The following TMEM182 variants were observed in gnomAD, a reference collection of about 807,000 sequenced individuals.
TMEM182 encodes transmembrane protein 182.
Under a neutral mutation model 26.8 loss-of-function variants are expected in TMEM182, and 20 were observed. That is an observed-to-expected ratio of 0.75 (90% CI 0.53 to 1.09). TMEM182 has a LOEUF of 1.09. Among genes scored for constraint, TMEM182 ranks in the 50% least tolerant of loss-of-function variants. The probability of loss-of-function intolerance (pLI) is 0.00; values close to 1 mark genes in which losing one functional copy is unlikely to be tolerated. For missense variants in TMEM182, 277 were observed against 275.5 expected, an observed-to-expected ratio of 1.01 and a Z score of -0.04; for synonymous variants, 109 against 102.2, an observed-to-expected ratio of 1.07 and a Z score of -0.40.
At chr2:102,740,441 A>C (rs373726059) in intron 1 of TMEM182, among the ~76,000 whole-genome samples, 5 of 152,236 alleles carry the variant, frequency 3.3e-5, no homozygotes, top group South Asian at 4.2e-4. Context: ...GTAAAGAAGG[A>C]CATGTTTGCT....
chr2:102,830,142 G>T (rs973630488), intron 3 of TMEM182, among the ~76,000 whole-genome samples: 1 of 152,136 alleles, frequency 6.6e-6, no homozygotes, highest in Non-Finnish European at 1.5e-5. Flanking sequence ...TCCTTGTTAT[G>T]GTCACAGAGA....
At chr2:102,740,077 C>T (rs979812641) in intron 1 of TMEM182, among the ~76,000 whole-genome samples, 13 of 152,040 alleles carry the variant, frequency 8.6e-5, no homozygotes, top group Non-Finnish European at 1.6e-4. Context: ...TGAAATATAA[C>T]GTGATTGTGA....
chr2:102,827,114 G>A (rs1683048130), intron 3 of TMEM182, among the ~76,000 whole-genome samples: 1 of 152,218 alleles, frequency 6.6e-6, no homozygotes, highest in Non-Finnish European at 1.5e-5. Context: ...CTATTTGGCA[G>A]CTATTTATAG....
At chr2:102,767,812 C>T (rs1680511999) in intron 3 of TMEM182, among the ~76,000 whole-genome samples, 1 of 152,168 alleles carries the variant, frequency 6.6e-6, no homozygotes, top group South Asian at 2.1e-4. Context: ...TCTTCTGAAG[C>T]AGAATGCAAT....
intron 1 of TMEM182, among the ~76,000 whole-genome samples, chr2:102,743,946 C>T (rs1339521634): frequency 6.6e-6 from 1 of 152,134 alleles, no homozygotes; most frequent in African/African-American, 2.4e-5. Context: ...TAACAAAGTA[C>T]TTGAGGCAAA....
intron 3 of TMEM182, among the ~76,000 whole-genome samples, chr2:102,796,694 A>G (rs908292557): frequency 3.3e-5 from 5 of 152,198 alleles, no homozygotes; most frequent in African/African-American, 7.2e-5. Context: ...CAGCACTGGT[A>G]TGGGAAGTGA....
intron 4 of TMEM182, among the ~76,000 whole-genome samples, chr2:102,808,251 T>G (rs1357885865): frequency 6.6e-6 from 1 of 152,178 alleles, no homozygotes; most frequent in Non-Finnish European, 1.5e-5. Context: ...TGGGTTGTGT[T>G]CTAGGTGGCT....
At chr2:102,798,090 T>C (rs1681959360) in intron 4 of TMEM182, 90 bp downstream of exon 4, 6 of 1,443,738 alleles carry the variant, frequency 4.2e-6, no homozygotes, top group Non-Finnish European at 5.6e-6. Flanking sequence ...GTCAGCCTTC[T>C]AGTAACAGTA....
intron 4 of TMEM182, among the ~76,000 whole-genome samples, chr2:102,802,389 GGCA>G (rs1361610315): frequency 6.6e-6 from 1 of 152,152 alleles, no homozygotes; most frequent in Non-Finnish European, 1.5e-5. Context: ...CCTACACTTG[GGCA>G]GAGACTTCCT....
upstream of TMEM182, among the ~76,000 whole-genome samples, chr2:102,758,666 A>G (rs1157424054): frequency 1.3e-5 from 2 of 152,158 alleles, no homozygotes; most frequent in African/African-American, 4.8e-5. Flanking sequence ...TCAGGAGGTC[A>G]TGTATTTGCA....
intron 3 of TMEM182, among the ~76,000 whole-genome samples, chr2:102,828,601 T>C (rs1451141774): frequency 1.3e-5 from 2 of 152,212 alleles, no homozygotes; most frequent in Non-Finnish European, 2.9e-5. Flanking sequence ...TTCCAAGTGA[T>C]GGCCAAGGTG....
At chr2:102,822,354 A>G (rs1361362309), downstream of TMEM182, among the ~76,000 whole-genome samples, 1 of 152,134 alleles carries the variant, frequency 6.6e-6, no homozygotes, top group Non-Finnish European at 1.5e-5. Flanking sequence ...TGAAGAATTA[A>G]TGGGAAGTGT....
downstream of TMEM182, among the ~76,000 whole-genome samples, chr2:102,820,661 G>A (rs77343761): frequency 7.3e-3 from 1,114 of 152,270 alleles, 16 homozygotes; most frequent in African/African-American, 0.026. Flanking sequence ...GGAAGAAAAC[G>A]CCTGAAAATG....
At chr2:102,821,744 A>G (rs923788984), downstream of TMEM182, among the ~76,000 whole-genome samples, 1 of 151,994 alleles carries the variant, frequency 6.6e-6, no homozygotes, top group South Asian at 2.1e-4. Flanking sequence ...TCCTATTTAA[A>G]AATGGAGGCT....
chr2:102,782,307 CAA>C (rs57731568), intron 3 of TMEM182, among the ~76,000 whole-genome samples: 81,719 of 151,328 alleles, frequency 0.54, 22,598 homozygotes, highest in African/African-American at 0.65. Flanking sequence ...GCCTGGGTGA[CAA>C]GAGTAAAACT....
chr2:102,809,257 G>A (rs1682461474), intron 4 of TMEM182, among the ~76,000 whole-genome samples: 1 of 152,190 alleles, frequency 6.6e-6, no homozygotes, highest in African/African-American at 2.4e-5. Flanking sequence ...GGTATTCAGT[G>A]TCCCTGTGCA....
intron 1 of TMEM182, among the ~76,000 whole-genome samples, chr2:102,746,060 T>G (rs976052575): frequency 7.2e-5 from 11 of 152,232 alleles, no homozygotes; most frequent in African/African-American, 2.7e-4. Flanking sequence ...TCACCAGCAG[T>G]GTATGAGAGT....
At chr2:102,768,170 C>G (rs1172698803) in intron 3 of TMEM182, among the ~76,000 whole-genome samples, 1 of 152,068 alleles carries the variant, frequency 6.6e-6, no homozygotes, top group Non-Finnish European at 1.5e-5. Flanking sequence ...ATGTAATTAT[C>G]TTGTTCATAT....
At chr2:102,836,625 C>G (rs1683251759) in intron 3 of TMEM182, among the ~76,000 whole-genome samples, 1 of 152,148 alleles carries the variant, frequency 6.6e-6, no homozygotes, top group African/African-American at 2.4e-5. Flanking sequence ...ATTCCATGAA[C>G]AAAAAGCACA....
Sources: allele counts gnomAD v4.1 joint callset (sites outside exome capture counted in the v4.1 genomes callset), GRCh38; gene constraint gnomAD v4.1.1; transcripts MANE v1.5; gene names NCBI Gene and HGNC (gene_info 2026-07-23, HGNC 2026-07-21).